SNTG2: variants seen among roughly 807,000 people sequenced by gnomAD.
SNTG2 encodes syntrophin gamma 2, also known as gamma-2-syntrophin.
A neutral mutation model predicts 70.9 loss-of-function variants in SNTG2; 74 were observed. The ratio of observed to expected loss-of-function variants is 1.04; its 90% CI spans 0.86 to 1.27. The LOEUF is 1.27. Among genes scored for constraint, SNTG2 ranks in the 50% most tolerant of loss-of-function variants. The pLI, the probability that SNTG2 is intolerant of heterozygous loss-of-function variation, is 0.00. For missense variants in SNTG2, 717 were observed against 690.7 expected (o/e 1.04, Z -0.43); for synonymous variants, 278 against 273.8 (o/e 1.02, Z -0.15).
At chr2:1,216,182 A>G (rs370580359) in intron 9 of SNTG2, among the ~76,000 whole-genome samples, 13 of 151,822 alleles carry the variant, frequency 8.6e-5, no homozygotes, top group Non-Finnish European at 1.3e-4. Flanking sequence ...CAGTGTAAAA[A>G]TGTTCCTATT....
At chr2:1,076,488 G>T (rs7562749) in intron 1 of SNTG2, among the ~76,000 whole-genome samples, 1 of 152,092 alleles carries the variant, frequency 6.6e-6, no homozygotes. Flanking sequence ...ATACATTTTT[G>T]TCACACTTTG....
At chr2:1,155,151 A>G (rs1016616276) in intron 6 of SNTG2, among the ~76,000 whole-genome samples, 7 of 128,944 alleles carry the variant, frequency 5.4e-5, no homozygotes, top group Non-Finnish European at 3.2e-5. Flanking sequence ...GACACACTCC[A>G]TACACACACA....
intron 11 of SNTG2, among the ~76,000 whole-genome samples, chr2:1,241,916 G>C (rs562774885): frequency 1.3e-5 from 2 of 152,184 alleles, no homozygotes; most frequent in East Asian, 1.9e-4. Context: ...CCCTTCTCTG[G>C]TGTTGTAATT....
intron 4 of SNTG2, among the ~76,000 whole-genome samples, chr2:1,114,164 A>T (rs1666751259): frequency 6.8e-6 from 1 of 147,614 alleles, no homozygotes; most frequent in Non-Finnish European, 1.5e-5. Context: ...CGGTCCTTTG[A>T]GGAGGATCGT....
intron 4 of SNTG2, among the ~76,000 whole-genome samples, chr2:1,105,891 G>A (rs760459104): frequency 2.0e-5 from 3 of 152,214 alleles, no homozygotes; most frequent in Non-Finnish European, 4.4e-5. Context: ...CCTCCCCCGC[G>A]TGTCACAGCC....
At chr2:1,355,113 T>A (rs898089054) in intron 16 of SNTG2, among the ~76,000 whole-genome samples, 1 of 152,212 alleles carries the variant, frequency 6.6e-6, no homozygotes, top group African/African-American at 2.4e-5. Context: ...TTCTTATTCA[T>A]CTCTCAACGT....
intron 14 of SNTG2, among the ~76,000 whole-genome samples, chr2:1,298,779 T>C (rs1384044415): frequency 1.3e-5 from 2 of 152,166 alleles, no homozygotes; most frequent in African/African-American, 2.4e-5. Context: ...AGATTCACTT[T>C]TGAGTCAGTG....
intron 2 of SNTG2, among the ~76,000 whole-genome samples, chr2:1,094,207 G>A (rs1665227000): frequency 8.6e-6 from 1 of 116,018 alleles, no homozygotes; most frequent in Non-Finnish European, 1.9e-5. Flanking sequence ...GGCCTTATAG[G>A]TGTGTCCTCA....
At chr2:970,962 C>G (rs1254857324) in intron 1 of SNTG2, among the ~76,000 whole-genome samples, 1 of 152,126 alleles carries the variant, frequency 6.6e-6, no homozygotes, top group Non-Finnish European at 1.5e-5. Context: ...TCATCTCACA[C>G]CAGTTAGAAT....
intron 1 of SNTG2, among the ~76,000 whole-genome samples, chr2:962,540 C>T (rs1660386451): frequency 6.6e-6 from 1 of 152,210 alleles, no homozygotes; most frequent in Admixed American, 6.5e-5. Context: ...ATATGAGCCT[C>T]TGCAATGCAG....
intron 1 of SNTG2, among the ~76,000 whole-genome samples, chr2:963,023 G>A (rs1416566686): frequency 1.3e-5 from 2 of 152,214 alleles, no homozygotes; most frequent in East Asian, 3.9e-4. Flanking sequence ...TACCACTCCT[G>A]TAGTCTAAAG....
intron 4 of SNTG2, among the ~76,000 whole-genome samples, chr2:1,101,373 C>T (rs572573494): frequency 6.6e-6 from 1 of 152,334 alleles, no homozygotes; most frequent in East Asian, 1.9e-4. Flanking sequence ...ATCAGCTGTG[C>T]CAGAATTCAT....
chr2:1,300,236 G>A (rs1401741555), intron 14 of SNTG2, among the ~76,000 whole-genome samples: 3 of 152,348 alleles, frequency 2.0e-5, no homozygotes, highest in Non-Finnish European at 4.4e-5. Context: ...TGCAAGAAGG[G>A]TGCTTTAAAT....
At chr2:1,165,289 A>T (rs1182645282) in intron 6 of SNTG2, among the ~76,000 whole-genome samples, 1 of 151,846 alleles carries the variant, frequency 6.6e-6, no homozygotes, top group Non-Finnish European at 1.5e-5. Context: ...CATCCCTGTG[A>T]TGTGTTGTGG....
chr2:1,189,182 TAAAATA>T (rs1443377868), intron 8 of SNTG2, among the ~76,000 whole-genome samples: 3 of 152,174 alleles, frequency 2.0e-5, no homozygotes, highest in Non-Finnish European at 4.4e-5. Flanking sequence ...AAAAATATGT[TAAAATA>T]TAAATAAAGT....
chr2:1,342,207 T>G (rs1459618106), intron 16 of SNTG2, among the ~76,000 whole-genome samples: 1 of 147,606 alleles, frequency 6.8e-6, no homozygotes, highest in East Asian at 2.0e-4. Flanking sequence ...GTTTCTTGCT[T>G]CTGGCTTGTT....
At chr2:1,334,234 C>G (rs1237783066) in intron 16 of SNTG2, among the ~76,000 whole-genome samples, 1 of 151,906 alleles carries the variant, frequency 6.6e-6, no homozygotes, top group Non-Finnish European at 1.5e-5. Flanking sequence ...AAATTAAAAC[C>G]ACAACATATA....
intron 16 of SNTG2, among the ~76,000 whole-genome samples, chr2:1,321,244 A>G (rs1237216077): frequency 2.0e-5 from 3 of 152,198 alleles, no homozygotes; most frequent in Admixed American, 2.0e-4. Flanking sequence ...GAAGTTTCTG[A>G]TATTCCCACA....
At chr2:1,207,050 T>C (rs941466090) in intron 8 of SNTG2, among the ~76,000 whole-genome samples, 2 of 152,150 alleles carry the variant, frequency 1.3e-5, no homozygotes, top group African/African-American at 2.4e-5. Context: ...AATACCACAG[T>C]TAAAATTAAA....
Sources: gnomAD v4.1 joint callset for allele counts (sites outside exome capture counted in the v4.1 genomes callset) on GRCh38, gnomAD v4.1.1 for gene constraint, MANE v1.5 for transcripts, NCBI Gene and HGNC (gene_info 2026-07-23, HGNC 2026-07-21) for gene names.